The following SBSN variants were observed in gnomAD, a reference collection of about 807,000 sequenced individuals.
SBSN encodes suprabasin, also known as HLAR698.
A neutral mutation model predicts 42.8 loss-of-function variants in SBSN; 33 were observed. The ratio of observed to expected loss-of-function variants is 0.77; its 90% confidence interval spans 0.58 to 1.03. SBSN has a LOEUF of 1.03. Among genes scored for constraint, SBSN ranks in the 50% least tolerant of loss-of-function variants. The pLI is 0.00. For synonymous variants in SBSN, 276 were observed against 307.0 expected, an observed-to-expected ratio of 0.90 and a Z score of 1.06; for missense variants, 646 against 757.3, an observed-to-expected ratio of 0.85 and a Z score of 1.72.
intron 3 of SBSN, among the ~76,000 whole-genome samples, chr19:35,524,378 G>A (rs561836330): frequency 6.1e-5 from 6 of 99,092 alleles, no homozygotes; most frequent in African/African-American, 2.5e-4. Flanking sequence ...AATGGGAATC[G>A]AGGAATGACA....
Position 35,527,088 on chromosome 19 carries a change from C to G in SBSN, c.1194G>C (p.Gly398=). Reference sequence around the variant, plus strand: ...CTTGGACCACTCTGTCTTCCTCCTTCCCCACCTGCGAGGCAGCATGGTGGA... The same window carrying G: ...CTTGGACCACTCTGTCTTCCTCCTTGCCCACCTGCGAGGCAGCATGGTGGA... ...QGVHHAASQV[G]KEEDRVVQGL... Residue 398 remains glycine, a synonymous_variant, in exon 1 of 4, where the codon GGG becomes GGC. Transcript: ENST00000452271. 1 of 1,537,614 alleles carries G rather than the reference C, an allele frequency of 6.5e-7. No homozygotes were observed. The highest frequency in any genetic ancestry group is 8.7e-7 in the Non-Finnish European group (1 of 1,146,906).
In SBSN at chr19:35,527,003, G is replaced by A. The variant is rs2071381431; in HGVS notation, c.1279C>T (p.His427Tyr). The A allele has an allele frequency of 6.5e-7, 1 of 1,546,176 alleles. No homozygotes were observed. Among genetic ancestry groups the A allele is most frequent in the Admixed American group, 2.0e-5 (1 of 50,824 alleles). The part of the protein sequence containing the change: ...REAGQFGHDI[H>Y]HTAGQAGKEG... ...TTCCCAGCCTGCCCTGCTGTGTGGT[G>A]AATGTCGTGGCCAAACTGCCCCGCC... Residue 427 changes from histidine to tyrosine, a missense_variant, in exon 1 of 4, where the codon CAC (histidine) becomes TAC (tyrosine). Coordinates refer to ENST00000452271, the MANE Select transcript of SBSN (RefSeq NM_001166034.2).
chr19:35,525,490 C>T (rs2071360365), intron 1 of SBSN, among the ~76,000 whole-genome samples: 1 of 129,120 alleles, frequency 7.7e-6, no homozygotes, highest in Admixed American at 8.2e-5. Context: ...TGTCTGGCGG[C>T]AGATGTGGCT....
In SBSN at chr19:35,524,700, G is replaced by A. The variant is rs1443363413; in HGVS notation, c.1749+11C>T. The A allele has an allele frequency of 6.2e-7, 1 of 1,613,810 alleles. No homozygotes were observed. The highest frequency in any genetic ancestry group is 8.5e-7 in the Non-Finnish European group (1 of 1,179,744). On this transcript the variant is annotated intron_variant, in intron 3 of 3. Coordinates refer to ENST00000452271, the MANE Select transcript of SBSN (RefSeq NM_001166034.2). The stretch of plus-strand genomic sequence containing the variant: ...ACGCAGAGCAGAAAAGAGACACCAT[G>A]GGGCACTCACCCTCCACAGGGCGGG...
In SBSN at chr19:35,527,161, T is replaced by C. The variant is rs868665816; in HGVS notation, c.1121A>G (p.His374Arg). Residue 374 changes from histidine to arginine, a missense_variant, in exon 1 of 4, where the codon CAT becomes CGT. This residue lies in a region of SBSN where 220 missense variants were observed against 334.5 expected (regional missense o/e 0.66). Coordinates refer to ENST00000452271, the MANE Select transcript of SBSN (RefSeq NM_001166034.2). ...ETEKLGHGVHHGVNEAWKEAE... is the reference protein window; with the variant it reads ...ETEKLGHGVHRGVNEAWKEAE... Reference sequence around the variant, plus strand: ...TTCCTTCCAGGCCTCATTAACCCCATGGTGGACCCCATGGCCGAGCTTCTC... The same window carrying C: ...TTCCTTCCAGGCCTCATTAACCCCACGGTGGACCCCATGGCCGAGCTTCTC... The C allele has an allele frequency of 6.5e-7, 1 of 1,536,436 alleles. No individual in the cohort carries two copies. The highest frequency in any genetic ancestry group is 1.4e-5 in the African/African-American group (1 of 73,030).
chr19:35,523,377 A>G lies in SBSN; in HGVS notation c.*133T>C, dbSNP rs894559215. On this transcript the variant is annotated 3_prime_UTR_variant, in exon 4 of 4. Coordinates refer to ENST00000452271, the MANE Select transcript of SBSN (RefSeq NM_001166034.2). ...CACAATGAGACAGCATAGTGTATCA[A>G]GTTTATTCACAAATCCCAGTACAAC... 5.6e-6 allele frequency: 5 copies of G among 889,262 alleles called. No individual in the cohort carries two copies. Among genetic ancestry groups the G allele is most frequent in the South Asian group, 1.4e-5 (1 of 71,534 alleles). 55.1% of individuals were successfully genotyped at this position (889,262 alleles called of 1,614,324 possible).
chr19:35,523,378 G>A lies in SBSN; in HGVS notation c.*132C>T. The A allele has an allele frequency of 1.1e-6, 1 of 902,944 alleles. No homozygotes were observed. Among genetic ancestry groups the A allele is most frequent in the South Asian group, 1.4e-5 (1 of 71,992 alleles). The allele number at this position is 902,944 out of a possible 1,614,324, so 55.9% of individuals were successfully genotyped here. On this transcript the variant is annotated 3_prime_UTR_variant, in exon 4 of 4. Transcript: ENST00000452271. ...ACAATGAGACAGCATAGTGTATCAAGTTTATTCACAAATCCCAGTACAACC... is the reference window on the plus strand; with the variant it reads ...ACAATGAGACAGCATAGTGTATCAAATTTATTCACAAATCCCAGTACAACC...
At position 35,527,784 on chromosome 19, in the gene SBSN, C is replaced by T; in HGVS notation, c.498G>A (p.Glu166=). The change falls in exon 1 of 4, where the codon GAG becomes GAA. Residue 166 remains glutamate, a synonymous_variant. Transcript: ENST00000452271. ...VDNAAGQAGN[E]AGRFGQGVHH... ...GGACTCCCTGGCCAAACCTCCCAGC[C>T]TCATTTCCAGCCTGCCCTGCAGCAT... The T allele has an allele frequency of 6.3e-7, 1 of 1,592,534 alleles. No individual in the cohort carries two copies. Among genetic ancestry groups the T allele is most frequent in the Non-Finnish European group, 8.6e-7 (1 of 1,168,258 alleles).
rs1257218583 is a variant in SBSN, at chr19:35,526,783, T to C, written c.1499A>G (p.His500Arg). The C allele has an allele frequency of 6.2e-7, 1 of 1,613,702 alleles. No homozygotes were observed. Among genetic ancestry groups the C allele is most frequent in the South Asian group, 1.1e-5 (1 of 91,052 alleles). The change falls in exon 1 of 4, where the codon CAT becomes CGT. Residue 500 changes from histidine to arginine, a missense_variant. Physicochemically the swap from His to Arg is conservative, Grantham distance 29 (BLOSUM62 0). Coordinates refer to ENST00000452271, the MANE Select transcript of SBSN (RefSeq NM_001166034.2). Reference protein sequence around the residue: ...EAEKLGQGVNHAADQAGKEVE... With the variant: ...EAEKLGQGVNRAADQAGKEVE... ...TTCCTTTCCAGCCTGGTCAGCAGCA[T>C]GGTTGACCCCTTGGCCAAGTTTCTC...
intron 3 of SBSN, among the ~76,000 whole-genome samples, chr19:35,524,063 C>T (rs2071341327): frequency 6.6e-6 from 1 of 152,192 alleles, no homozygotes; most frequent in Admixed American, 6.5e-5. Context: ...ACCTGTAATC[C>T]CAGCCACTCA....
chr19:35,527,200 A>G lies in SBSN; in HGVS notation c.1082T>C (p.Phe361Ser). Residue 361 changes from phenylalanine to serine, a missense_variant, in exon 1 of 4, where the codon TTT becomes TCT. By Grantham distance (155) the Phe-to-Ser change is radical. This residue lies in a region of SBSN where 220 missense variants were observed against 334.5 expected (regional missense o/e 0.66). Coordinates refer to ENST00000452271, the MANE Select transcript of SBSN (RefSeq NM_001166034.2). Reference sequence around the variant, plus strand: ...GCCGAGCTTCTCTGTTTCCTTCCCAAACTGACTGGCAGCATGGTGGACCCC... The same window carrying G: ...GCCGAGCTTCTCTGTTTCCTTCCCAGACTGACTGGCAGCATGGTGGACCCC... ...GQGVHHAASQ[F>S]GKETEKLGHG... is the part of the protein sequence containing the mutation. The G allele has an allele frequency of 6.5e-7, 1 of 1,529,248 alleles. No homozygotes were observed. Among genetic ancestry groups the G allele is most frequent in the Non-Finnish European group, 8.7e-7 (1 of 1,144,542 alleles). 94.7% of individuals were successfully genotyped at this position (1,529,248 alleles called of 1,614,324 possible). A position where few individuals can be genotyped will look rare whatever the true frequency, so the allele number is the denominator to read the frequency against.
At position 35,527,568 on chromosome 19, in the gene SBSN, C is replaced by T; in HGVS notation, c.714G>A (p.Glu238=). ...GGGCCCCCTGGCCAAACTTCTCTGC[C>T]TCCTTCCCAACCTGACCGGCAGCAT... The part of the protein sequence containing the change: ...IHHAAGQVGK[E]AEKFGQGAHH... The change falls in exon 1 of 4, where the codon GAG becomes GAA. Residue 238 remains glutamate, a synonymous_variant. Transcript: ENST00000452271. 14 of 1,523,882 alleles carry T rather than the reference C, an allele frequency of 9.2e-6. No individual in the cohort carries two copies. Among genetic ancestry groups the T allele is most frequent in the Non-Finnish European group, 1.2e-5 (14 of 1,144,776 alleles). The allele number at this position is 1,523,882 out of a possible 1,614,324, so 94.4% of individuals were successfully genotyped here. A position where few individuals can be genotyped will look rare whatever the true frequency, so the allele number is the denominator to read the frequency against.
In SBSN at chr19:35,528,162, C is replaced by T. The variant is rs769486864; in HGVS notation, c.120G>A (p.Leu40=). The T allele has an allele frequency of 6.2e-6, 10 of 1,613,984 alleles. No individual in the cohort carries two copies. In the Admixed American group the frequency reaches 1.0e-4, roughly 16 times the overall value. The change falls in exon 1 of 4, where the codon CTG becomes CTA. Residue 40 remains leucine (L), a synonymous_variant. Coordinates refer to ENST00000452271, the MANE Select transcript of SBSN (RefSeq NM_001166034.2). ...EKVIEGINRG[L]SNAEREVGKA... ...TGCCCACCTCTCTCTCTGCATTGCTCAGCCCTCGGTTGATCCCTTCAATGA... is the reference window on the plus strand; with the variant it reads ...TGCCCACCTCTCTCTCTGCATTGCTTAGCCCTCGGTTGATCCCTTCAATGA...
intron 1 of SBSN, 47 bp downstream of exon 1, chr19:35,526,597 C>CTCCCCCCACCCCCCCT: frequency 1.3e-6 from 1 of 744,372 alleles, no homozygotes; most frequent in East Asian, 3.6e-5. Flanking sequence ...TAACCTTTCC[C>CTCCCCCCACCCCCCCT]TCCCCCAACC....
In SBSN at chr19:35,526,530, C is replaced by A. The variant is rs567565246; in HGVS notation, c.1638+114G>T. ...CCCAGTGATATAGCTGCCCAAGCTTCTTTCACCAAACAAAGGCTACGCGGA... is the reference window on the plus strand; with the variant it reads ...CCCAGTGATATAGCTGCCCAAGCTTATTTCACCAAACAAAGGCTACGCGGA... On this transcript the variant is annotated intron_variant, in intron 1 of 3. Transcript: ENST00000452271. The A allele has an allele frequency of 1.8e-4, 180 of 992,458 alleles. 1 individual carries two copies. In the East Asian group the frequency reaches 4.4e-3, roughly 25 times the overall value. 61.5% of individuals were successfully genotyped at this position (992,458 alleles called of 1,614,324 possible). A position where few individuals can be genotyped will look rare whatever the true frequency, so the allele number is the denominator to read the frequency against.
rs1055522962 is a variant in SBSN, at chr19:35,527,752, G to A, written c.530C>T (p.Ala177Val). ...AGRFGQGVHH[A>V]AGQAGNEAGR... ...AGCCTCATTTCCGGCCTGCCCTGCA[G>A]CATGGTGGACTCCCTGGCCAAACCT... The change falls in exon 1 of 4, where the codon GCT becomes GTT. Residue 177 changes from alanine (A) to valine (V), a missense_variant. By Grantham distance (64) the Ala-to-Val change is moderately conservative (BLOSUM62 0). Coordinates refer to ENST00000452271, the MANE Select transcript of SBSN (RefSeq NM_001166034.2). The A allele has an allele frequency of 7.0e-6, 11 of 1,579,268 alleles. No homozygotes were observed. The highest frequency in any genetic ancestry group is 8.6e-6 in the Non-Finnish European group (10 of 1,164,420).
chr19:35,524,837 C>T (rs1341494793), intron 2 of SBSN, 22 bp downstream of exon 2: 3 of 1,614,020 alleles, frequency 1.9e-6, no homozygotes, highest in Non-Finnish European at 2.5e-6. Flanking sequence ...CTCCTCTCCC[C>T]TACCCCAGAG....
chr19:35,526,660 G>A lies in SBSN; in HGVS notation c.1622C>T (p.Ala541Val). 2 of 1,609,480 alleles carry A rather than the reference G, an allele frequency of 1.2e-6. No individual in the cohort carries two copies. The highest frequency in any genetic ancestry group is 1.7e-5 in the Admixed American group (1 of 59,520). Residue 541 changes from alanine to valine, a missense_variant, in exon 1 of 4, where the codon GCC (alanine) becomes GTC (valine). By Grantham distance (64) the Ala-to-Val change is moderately conservative (BLOSUM62 0). Around this residue, in one of 3 missense-constraint regions of SBSN, gnomAD observed 236 missense variants for 225.6 expected, o/e 1.05. Coordinates refer to ENST00000452271, the MANE Select transcript of SBSN (RefSeq NM_001166034.2). ...TTCACCTACATTCAGCAGCTGGTTG[G>A]CCTCCTTGCTGGCTTGGTTGACCCC... is the stretch of plus-strand genomic sequence containing the variant. ...HNGVNQASKE[A>V]NQLLNGNHQS...
intron 1 of SBSN, among the ~76,000 whole-genome samples, chr19:35,525,836 C>T (rs2146281569): frequency 6.6e-6 from 1 of 152,270 alleles, no homozygotes; most frequent in Middle Eastern, 3.4e-3. Context: ...GCGCCAGCCA[C>T]CACACCTGGC....
Sources: gnomAD v4.1 joint callset for allele counts (sites outside exome capture counted in the v4.1 genomes callset) on GRCh38, gnomAD v4.1.1 for gene constraint, gnomAD v4.1.1 regional missense constraint, MANE v1.5 for transcripts, NCBI Gene and HGNC (gene_info 2026-07-23, HGNC 2026-07-21) for gene names.